The following CYP4F3 variants were observed in gnomAD, a reference collection of about 807,000 sequenced individuals.
CYP4F3 encodes the protein cytochrome P450 4F3.
In CYP4F3, 50 loss-of-function variants were observed where a neutral mutation model predicts 54.8. The ratio of observed to expected loss-of-function variants is 0.91; its 90% CI spans 0.73 to 1.16. CYP4F3 has a LOEUF of 1.16. Ranked by LOEUF, CYP4F3 falls within the 50% of genes most tolerant of loss-of-function variation. The probability of loss-of-function intolerance (pLI) is 0.00; values close to 1 mark genes in which losing one functional copy is unlikely to be tolerated. For synonymous variants in CYP4F3, 244 were observed against 262.6 expected (o/e 0.93, Z 0.69); for missense variants, 715 against 676.2 (o/e 1.06, Z -0.64).
intron 9 of CYP4F3, among the ~76,000 whole-genome samples, chr19:15,654,783 A>G (rs1972969553): frequency 6.6e-6 from 1 of 152,160 alleles, no homozygotes; most frequent in African/African-American, 2.4e-5. Flanking sequence ...TTGATTCCAT[A>G]TTTTCGTTGT....
intron 2 of CYP4F3, among the ~76,000 whole-genome samples, chr19:15,644,239 T>C (rs908812178): frequency 2.0e-5 from 3 of 152,212 alleles, no homozygotes; most frequent in African/African-American, 7.2e-5. Flanking sequence ...CATTGCCATC[T>C]GACCCCCTGT....
chr19:15,649,149 T>C lies in CYP4F3; in HGVS notation c.526-11T>C. 1 of 1,613,114 alleles carries C rather than the reference T, an allele frequency of 6.2e-7. No homozygotes were observed. Among genetic ancestry groups the C allele is most frequent in the Non-Finnish European group, 8.5e-7 (1 of 1,179,304 alleles). On this transcript the variant is annotated splice_polypyrimidine_tract_variant and intron_variant, in intron 5 of 12. Transcript: ENST00000221307. The stretch of plus-strand genomic sequence containing the variant: ...GGGACCTGCCCCAGCTCTGTCCCCT[T>C]CTCTGGCTAGGCCAAGTGGCAGCTC...
At position 15,656,780 on chromosome 19, in the gene CYP4F3, C is replaced by CATCCATCA. The variant is rs140145246; in HGVS notation, c.1116-1482_1116-1481insCCATCAAT. Among the ~76,000 whole-genome samples, 10 of 150,512 alleles carry CATCCATCA rather than the reference C, an allele frequency of 6.6e-5. No individual in the cohort carries two copies. The East Asian group carries it at 1.4e-3, about 20-fold the overall frequency. ...TCTATCTATCTATCATCCATCCATCCATGATCTATCTCTCCACCATCTATG... is the reference window on the plus strand; with the variant it reads ...TCTATCTATCTATCATCCATCCATCCATCCATCAATGATCTATCTCTCCACCATCTATG... On this transcript the variant is annotated intron_variant, in intron 9 of 12. Coordinates refer to ENST00000221307, the MANE Select transcript of CYP4F3 (RefSeq NM_000896.3).
chr19:15,662,420 C>G lies in CYP4F3; in HGVS notation c.*3035C>G, dbSNP rs1364652345. The G allele has an allele frequency of 6.6e-6, 1 of 151,964 alleles. No individual in the cohort carries two copies. Among genetic ancestry groups the G allele is most frequent in the Non-Finnish European group, 1.5e-5 (1 of 68,026 alleles). The allele number at this position is 151,964 out of a possible 1,614,324, so 9.4% of individuals were successfully genotyped here. On this transcript the variant is annotated 3_prime_UTR_variant, in exon 13 of 13. Coordinates refer to ENST00000221307, the MANE Select transcript of CYP4F3 (RefSeq NM_000896.3). ...ATTTTCTATTCTATTCCATGTTGGA[C>G]CAATACCACACTGCCCTAGTCACTG...
chr19:15,652,470 T>C, intron 7 of CYP4F3, 99 bp from the exon 8 acceptor site: 1 of 1,551,656 alleles, frequency 6.4e-7, no homozygotes, highest in Non-Finnish European at 8.8e-7. Flanking sequence ...CGAAAGAGGA[T>C]GAATCTTCAG....
At chr19:15,652,981 T>C (rs776717029) in intron 9 of CYP4F3, 29 bp downstream of exon 9, 2 of 1,579,886 alleles carry the variant, frequency 1.3e-6, no homozygotes, top group Admixed American at 1.8e-5. Flanking sequence ...GCCCTGTTCC[T>C]GAGCCTGTCT....
At chr19:15,644,113 A>G in intron 2 of CYP4F3, 1 of 1,460,448 alleles carries the variant, frequency 6.8e-7, no homozygotes, top group Non-Finnish European at 9.0e-7. Context: ...AAGTCCCTCT[A>G]TCCCCAAGCC....
Position 15,645,866 on chromosome 19 carries a change from A to C in CYP4F3, c.343+3A>C. ...CAAGCCTGTGCTCTTTGCTCCAGGT[A>C]GACACTGCACTGGCCACTCCAGGTA... On this transcript the variant is annotated splice_donor_region_variant and intron_variant, in intron 3 of 12. Coordinates refer to ENST00000221307, the MANE Select transcript of CYP4F3 (RefSeq NM_000896.3). The C allele has an allele frequency of 6.2e-7, 1 of 1,602,924 alleles. No individual in the cohort carries two copies. The highest frequency in any genetic ancestry group is 8.5e-7 in the Non-Finnish European group (1 of 1,173,682).
At chr19:15,642,510 T>C (rs1406007398) in intron 2 of CYP4F3, among the ~76,000 whole-genome samples, 2 of 152,164 alleles carry the variant, frequency 1.3e-5, no homozygotes, top group Admixed American at 6.5e-5. Context: ...GGACCAGCCT[T>C]AGGGACATGT....
intron 9 of CYP4F3, among the ~76,000 whole-genome samples, chr19:15,657,211 C>T (rs1259090008): frequency 6.6e-6 from 1 of 152,230 alleles, no homozygotes; most frequent in Non-Finnish European, 1.5e-5. Flanking sequence ...AGCACGTGTG[C>T]ACAGTGACCA....
At chr19:15,652,341 A>T (rs1972880700) in intron 7 of CYP4F3, among the ~76,000 whole-genome samples, 1 of 152,156 alleles carries the variant, frequency 6.6e-6, no homozygotes, top group Non-Finnish European at 1.5e-5. Flanking sequence ...TGGGTCATTG[A>T]GTCTTCCCAT....
chr19:15,652,508 C>T, intron 7 of CYP4F3, 61 bp from the exon 8 acceptor site: 1 of 1,597,476 alleles, frequency 6.3e-7, no homozygotes, highest in Non-Finnish European at 8.5e-7. Context: ...ACTCAAGAGC[C>T]CTCAGAGGTA....
At chr19:15,650,576 A>G (rs183158280) in intron 7 of CYP4F3, among the ~76,000 whole-genome samples, 2 of 151,768 alleles carry the variant, frequency 1.3e-5, no homozygotes, top group East Asian at 1.9e-4. Flanking sequence ...TTCATTGGCC[A>G]TATCTGTATG....
Position 15,659,258 on chromosome 19 carries a change from A to T in CYP4F3, c.1436A>T (p.Lys479Met), listed in dbSNP as rs1314209476. The change falls in exon 13 of 13, where the codon AAG (lysine) becomes ATG (methionine). Residue 479 changes from lysine (K) to methionine (M), a missense_variant. Coordinates refer to ENST00000221307, the MANE Select transcript of CYP4F3 (RefSeq NM_000896.3). ...CAGGCGTTCGCGATGGCGGAGATGA[A>T]GGTGGTCCTGGGGCTCACGCTGCTG... ...IGQAFAMAEM[K>M]VVLGLTLLRF... The T allele has an allele frequency of 2.5e-6, 4 of 1,612,614 alleles. No individual in the cohort carries two copies. Among genetic ancestry groups the T allele is most frequent in the African/African-American group, 1.3e-5 (1 of 74,634 alleles).
chr19:15,662,694 G>A lies in CYP4F3; in HGVS notation c.*3309G>A, dbSNP rs1973207533. ...ATATAGTATACCCCTGTATTTATTT[G>A]TTTTCTTGAATTTCTTTTATCATTG... On this transcript the variant is annotated 3_prime_UTR_variant, in exon 13 of 13. Transcript: ENST00000221307. The A allele has an allele frequency of 6.6e-6, 1 of 152,088 alleles. No homozygotes were observed. The highest frequency in any genetic ancestry group is 2.1e-4 in the South Asian group (1 of 4,824). The allele number at this position is 152,088 out of a possible 1,614,324, so 9.4% of individuals were successfully genotyped here. A position where few individuals can be genotyped will look rare whatever the true frequency, so the allele number is the denominator to read the frequency against.
At chr19:15,647,458 T>C (rs923259786) in intron 5 of CYP4F3, 134 bp downstream of exon 5, 3 of 1,438,728 alleles carry the variant, frequency 2.1e-6, no homozygotes, top group African/African-American at 1.4e-5. Context: ...GGTTTCCTCA[T>C]CTGTAAAATC....
Position 15,661,764 on chromosome 19 carries a change from G to A in CYP4F3, c.*2379G>A, listed in dbSNP as rs895224820. 3 of 152,016 alleles carry A rather than the reference G, an allele frequency of 2.0e-5. No homozygotes were observed. The highest frequency in any genetic ancestry group is 4.4e-5 in the Non-Finnish European group (3 of 68,008). The allele number at this position is 152,016 out of a possible 1,614,324, so 9.4% of individuals were successfully genotyped here. A position where few individuals can be genotyped will look rare whatever the true frequency, so the allele number is the denominator to read the frequency against. On this transcript the variant is annotated 3_prime_UTR_variant, in exon 13 of 13. Coordinates refer to ENST00000221307, the MANE Select transcript of CYP4F3 (RefSeq NM_000896.3). ...GTAAGACTTCTCAGTTTTATTTTTG[G>A]TGAATTATGTTTATACTGCCATATA...
Position 15,660,048 on chromosome 19 carries a change from C to G in CYP4F3, c.*663C>G, listed in dbSNP as rs576260800. On this transcript the variant is annotated 3_prime_UTR_variant, in exon 13 of 13. Coordinates refer to ENST00000221307, the MANE Select transcript of CYP4F3 (RefSeq NM_000896.3). Reference sequence around the variant, plus strand: ...AACATGCTATTACAGCTCATATATACTTTTTCCATCTGGATTCTTCACAAA... The same window carrying G: ...AACATGCTATTACAGCTCATATATAGTTTTTCCATCTGGATTCTTCACAAA... 6.6e-6 allele frequency: 1 copy of G among 152,306 alleles called. No individual in the cohort carries two copies. Among genetic ancestry groups the G allele is most frequent in the African/African-American group, 2.4e-5 (1 of 41,572 alleles). 9.4% of individuals were successfully genotyped at this position (152,306 alleles called of 1,614,324 possible). A position where few individuals can be genotyped will look rare whatever the true frequency, so the allele number is the denominator to read the frequency against.
chr19:15,649,979 G>A lies in CYP4F3; in HGVS notation c.714G>A (p.Gln238=), dbSNP rs1406106262. 2 of 1,614,178 alleles carry A rather than the reference G, an allele frequency of 1.2e-6. No homozygotes were observed. The highest frequency in any genetic ancestry group is 3.3e-5 in the Admixed American group (2 of 60,016). The stretch of plus-strand genomic sequence containing the variant: ...CCCTTGTGACAAAAAGACACCAGCA[G>A]ATCCTCCTGTACATAGACTTCCTGT... The part of the protein sequence containing the change: ...LSALVTKRHQ[Q]ILLYIDFLYY... The change falls in exon 7 of 13, where the codon CAG becomes CAA. Residue 238 remains glutamine (Q), a synonymous_variant. Coordinates refer to ENST00000221307, the MANE Select transcript of CYP4F3 (RefSeq NM_000896.3).
Sources: gnomAD v4.1 joint callset for allele counts (sites outside exome capture counted in the v4.1 genomes callset) on GRCh38, gnomAD v4.1.1 for gene constraint, MANE v1.5 for transcripts, NCBI Gene and HGNC (gene_info 2026-07-23, HGNC 2026-07-21) for gene names.